AGK: variants seen among roughly 807,000 people sequenced by gnomAD.
AGK encodes acylglycerol kinase, also known as acylglycerol kinase, mitochondrial.
Under a neutral mutation model 66.4 loss-of-function variants are expected in AGK, and 52 were observed. The ratio of observed to expected loss-of-function variants is 0.78; its 90% CI spans 0.63 to 0.99. The LOEUF (loss-of-function observed/expected upper bound fraction) is 0.99. AGK is among the 50% of genes least tolerant of loss of function. The pLI is 0.00. For missense variants in AGK, 451 were observed against 506.6 expected (o/e 0.89, Z 1.05); for synonymous variants, 182 against 181.1 (o/e 1.00, Z -0.04).
At chr7:141,614,385 G>A (rs1319263587) in intron 7 of AGK, among the ~76,000 whole-genome samples, 1 of 152,058 alleles carries the variant, frequency 6.6e-6, no homozygotes, top group East Asian at 1.9e-4. Context: ...GTAATTGATG[G>A]TATCCAATAA....
chr7:141,601,281 G>C lies in AGK; in HGVS notation c.297+1G>C. The C allele has an allele frequency of 6.2e-7, 1 of 1,609,762 alleles. No individual in the cohort carries two copies. Among genetic ancestry groups the C allele is most frequent in the East Asian group, 2.2e-5 (1 of 44,776 alleles). On this transcript the variant is annotated splice_donor_variant, in intron 5 of 15. Coordinates refer to ENST00000649286, the MANE Select transcript of AGK (RefSeq NM_018238.4). LOFTEE classifies it high-confidence loss of function. Reference sequence around the variant, plus strand: ...TGGCATGGATGTGACTATTGTTAAGGTAAGAATGGCTCCTGAATGTTTATT... The same window carrying C: ...TGGCATGGATGTGACTATTGTTAAGCTAAGAATGGCTCCTGAATGTTTATT...
At chr7:141,569,337 C>T (rs1795544952) in intron 2 of AGK, among the ~76,000 whole-genome samples, 1 of 152,062 alleles carries the variant, frequency 6.6e-6, no homozygotes, top group Non-Finnish European at 1.5e-5. Flanking sequence ...AGATCAAGAC[C>T]ATCCTGGCCA....
At chr7:141,600,875 G>A (rs796861966) in intron 4 of AGK, among the ~76,000 whole-genome samples, 3 of 152,244 alleles carry the variant, frequency 2.0e-5, no homozygotes, top group African/African-American at 7.2e-5. Context: ...GAATACTTGA[G>A]TGAATCAAGC....
intron 3 of AGK, chr7:141,594,032 T>C (rs1184089132): frequency 6.6e-6 from 1 of 152,396 alleles, no homozygotes; most frequent in Non-Finnish European, 1.5e-5. Flanking sequence ...CTTTAGCAGT[T>C]GTTACAGTAT....
intron 1 of AGK, among the ~76,000 whole-genome samples, chr7:141,551,810 G>A (rs1364723566): frequency 2.7e-5 from 4 of 146,388 alleles, no homozygotes; most frequent in African/African-American, 9.8e-5. Context: ...CCATTGATGG[G>A]TTGGTTGGTT....
intron 2 of AGK, among the ~76,000 whole-genome samples, chr7:141,570,374 G>A (rs533320978): frequency 2.6e-4 from 39 of 152,166 alleles, no homozygotes; most frequent in Non-Finnish European, 5.3e-4. Context: ...GTGACAGAGT[G>A]AGACCCTGTC....
chr7:141,595,149 C>T (rs1392582492), intron 3 of AGK, among the ~76,000 whole-genome samples: 1 of 152,152 alleles, frequency 6.6e-6, no homozygotes. Context: ...ACATAAACTC[C>T]TTAGCTCACT....
chr7:141,633,508 C>T (rs1255974615), intron 9 of AGK, among the ~76,000 whole-genome samples: 1 of 152,174 alleles, frequency 6.6e-6, no homozygotes, highest in Non-Finnish European at 1.5e-5. Context: ...GACTTGAGAG[C>T]TCTTGATCCT....
At chr7:141,652,663 G>A (rs1186606884) in intron 15 of AGK, 124 bp from the exon 16 acceptor site, 1 of 1,029,826 alleles carries the variant, frequency 9.7e-7, no homozygotes, top group South Asian at 1.6e-5. Context: ...AAGAACATTA[G>A]GATAGCTCCT....
chr7:141,614,110 A>G (rs764708515), intron 6 of AGK, 36 bp from the exon 7 acceptor site: 1 of 1,402,686 alleles, frequency 7.1e-7, no homozygotes, highest in Non-Finnish European at 9.9e-7. Flanking sequence ...GGAAATACAT[A>G]TTATTTATAA....
chr7:141,563,210 T>G (rs937339992), intron 2 of AGK, among the ~76,000 whole-genome samples: 5 of 152,226 alleles, frequency 3.3e-5, no homozygotes, highest in African/African-American at 1.2e-4. Flanking sequence ...CACACACTGT[T>G]CTGTCTGTCC....
intron 2 of AGK, among the ~76,000 whole-genome samples, chr7:141,584,822 C>T (rs1795962828): frequency 6.6e-6 from 1 of 152,194 alleles, no homozygotes; most frequent in South Asian, 2.1e-4. Context: ...CCCTTATTTT[C>T]ACTCACATCT....
intron 8 of AGK, among the ~76,000 whole-genome samples, chr7:141,617,871 G>T (rs1293142156): frequency 6.6e-6 from 1 of 152,008 alleles, no homozygotes; most frequent in African/African-American, 2.4e-5. Context: ...GCTTTTTTCA[G>T]AATTAATATA....
intron 13 of AGK, among the ~76,000 whole-genome samples, chr7:141,644,287 G>A (rs777030355): frequency 7.2e-5 from 11 of 152,098 alleles, no homozygotes; most frequent in Non-Finnish European, 1.2e-4. Flanking sequence ...ATGTGAGTGC[G>A]CTCAAGATTA....
At chr7:141,652,507 A>C (rs536980192) in intron 15 of AGK, 58 of 279,130 alleles carry the variant, frequency 2.1e-4, no homozygotes, top group African/African-American at 1.2e-3. Flanking sequence ...GAAAATTATA[A>C]CCATGTTGTT....
chr7:141,588,755 T>C (rs1407427467), intron 2 of AGK, among the ~76,000 whole-genome samples: 1 of 152,186 alleles, frequency 6.6e-6, no homozygotes, highest in Non-Finnish European at 1.5e-5. Context: ...ATGAGTTTTT[T>C]CAGAAAGGGA....
chr7:141,578,194 G>A (rs867894556), intron 2 of AGK, among the ~76,000 whole-genome samples: 7 of 151,902 alleles, frequency 4.6e-5, no homozygotes, highest in African/African-American at 1.7e-4. Flanking sequence ...AGGGAGATGG[G>A]GTGGGGCCAT....
chr7:141,555,431 C>T lies in AGK; in HGVS notation c.-14-22C>T, dbSNP rs752648187. On this transcript the variant is annotated intron_variant, in intron 1 of 15. Coordinates refer to ENST00000649286, the MANE Select transcript of AGK (RefSeq NM_018238.4). The surrounding 1 kb of genome is among the most constrained non-coding windows in gnomAD (Gnocchi z 4.2). The stretch of plus-strand genomic sequence containing the variant: ...CCATGGATAAATTATATTTTTTTCT[C>T]TTTCCGCCTCTACTAACCTAGCAAA... 5.9e-6 allele frequency: 9 copies of T among 1,523,012 alleles called. No homozygotes were observed. In the Admixed American group the frequency reaches 8.7e-5, roughly 15 times the overall value. 94.3% of individuals were successfully genotyped at this position (1,523,012 alleles called of 1,614,324 possible). A position where few individuals can be genotyped will look rare whatever the true frequency, so the allele number is the denominator to read the frequency against.
At chr7:141,582,478 T>C (rs748157628) in intron 2 of AGK, among the ~76,000 whole-genome samples, 23 of 152,008 alleles carry the variant, frequency 1.5e-4, no homozygotes, top group Non-Finnish European at 3.1e-4. Flanking sequence ...ATTTAATTTT[T>C]GGAGTTTTAT....
Sources: allele counts gnomAD v4.1 joint callset (sites outside exome capture counted in the v4.1 genomes callset), GRCh38; gene constraint gnomAD v4.1.1; non-coding constraint Gnocchi (gnomAD v3.1); transcripts MANE v1.5; gene names NCBI Gene and HGNC (gene_info 2026-07-23, HGNC 2026-07-21).